Variants in ZBTB7C observed in about 807,000 individuals in gnomAD.
ZBTB7C encodes zinc finger and BTB domain containing 7C, also known as zinc finger and BTB domain-containing protein 7C.
ZBTB7C carries 8 observed loss-of-function variants against 25.7 expected under a neutral mutation model. That is an observed-to-expected ratio of 0.31 (90% CI 0.18 to 0.56). The LOEUF is 0.56. ZBTB7C is among the 20% of genes least tolerant of loss of function. The pLI is 0.91. For missense variants in ZBTB7C, 824 were observed against 855.2 expected, an observed-to-expected ratio of 0.96 and a Z score of 0.46; for synonymous variants, 394 against 369.0, an observed-to-expected ratio of 1.07 and a Z score of -0.78.
intron 2 of ZBTB7C, among the ~76,000 whole-genome samples, chr18:48,244,106 T>C (rs963730422): frequency 1.3e-5 from 2 of 152,170 alleles, no homozygotes; most frequent in Admixed American, 6.5e-5. Flanking sequence ...CTTCCAGACA[T>C]TGGCTTAGGC....
intron 3 of ZBTB7C, among the ~76,000 whole-genome samples, chr18:48,090,142 G>A (rs911210292): frequency 1.1e-4 from 16 of 152,244 alleles, no homozygotes; most frequent in African/African-American, 3.9e-4. Context: ...GACAGCATGT[G>A]GTTTTTCCTG....
intron 2 of ZBTB7C, among the ~76,000 whole-genome samples, chr18:48,209,630 T>A (rs2042656882): frequency 6.6e-6 from 1 of 152,128 alleles, no homozygotes; most frequent in South Asian, 2.1e-4. Flanking sequence ...GTGGGTCACA[T>A]TTGTAGTCCC....
intron 3 of ZBTB7C, among the ~76,000 whole-genome samples, chr18:48,135,346 C>T (rs1232641271): frequency 6.6e-6 from 1 of 151,790 alleles, no homozygotes; most frequent in African/African-American, 2.4e-5. Flanking sequence ...ATAATTATAC[C>T]AAGGCGATTC....
intron 1 of ZBTB7C, among the ~76,000 whole-genome samples, chr18:48,377,927 T>C (rs1011578508): frequency 2.4e-4 from 37 of 152,210 alleles, no homozygotes; most frequent in East Asian, 1.5e-3. Flanking sequence ...ATCCCAAAAC[T>C]TTGGGAGGCC....
chr18:48,065,373 A>G (rs2037290149), intron 3 of ZBTB7C, among the ~76,000 whole-genome samples: 1 of 152,030 alleles, frequency 6.6e-6, no homozygotes, highest in African/African-American at 2.4e-5. Flanking sequence ...ACGCCTGAGA[A>G]AGCCCATAGT....
At chr18:48,236,023 A>G (rs186516838) in intron 2 of ZBTB7C, among the ~76,000 whole-genome samples, 37 of 152,282 alleles carry the variant, frequency 2.4e-4, no homozygotes, top group African/African-American at 8.7e-4. Flanking sequence ...CTCTTTCTCA[A>G]TCTCACTACT....
intron 1 of ZBTB7C, among the ~76,000 whole-genome samples, chr18:48,405,550 T>C (rs998475272): frequency 6.6e-6 from 1 of 152,240 alleles, no homozygotes; most frequent in African/African-American, 2.4e-5. Context: ...GTACACACGG[T>C]GGCTCTAGAA....
rs148687778 is a variant in ZBTB7C at position 48,173,524 on chromosome 18, C to G, written c.-17+12410G>C. 7.0e-4 allele frequency among the ~76,000 whole-genome samples: 107 copies of G among 152,330 alleles called. 1 individual carries two copies. The East Asian group carries it at 0.018, about 26-fold the overall frequency. Reference sequence around the variant, plus strand: ...GTCTCAGGGCCTATGATACGTCCCCCCTTCCCATCCATTCAACTTGTATCT... The same window carrying G: ...GTCTCAGGGCCTATGATACGTCCCCGCTTCCCATCCATTCAACTTGTATCT... On this transcript the variant is annotated intron_variant, in intron 3 of 4. Transcript: ENST00000590800.
chr18:48,391,317 G>A (rs1287848166), intron 1 of ZBTB7C, among the ~76,000 whole-genome samples: 3 of 152,196 alleles, frequency 2.0e-5, no homozygotes, highest in Non-Finnish European at 2.9e-5. Context: ...CCATGAAGTT[G>A]TCAATGTTAC....
At chr18:48,110,982 G>A (rs1430945996) in intron 3 of ZBTB7C, among the ~76,000 whole-genome samples, 1 of 152,204 alleles carries the variant, frequency 6.6e-6, no homozygotes, top group African/African-American at 2.4e-5. Context: ...TTCGATCTGG[G>A]CTTCATATGA....
intron 3 of ZBTB7C, among the ~76,000 whole-genome samples, chr18:48,103,490 C>T (rs549172346): frequency 2.6e-5 from 4 of 152,224 alleles, no homozygotes; most frequent in East Asian, 1.9e-4. Context: ...AATTTCTTTA[C>T]CTTTCAGGGA....
rs139744162 is a variant in ZBTB7C at position 48,292,280 on chromosome 18, G to A, written c.-79+45894C>T. On this transcript the variant is annotated intron_variant, in intron 2 of 4. Coordinates refer to ENST00000590800, the MANE Select transcript of ZBTB7C (RefSeq NM_001318841.2). ...TTATCAAGAATGTCCATAATTCCTCGTTAAAGCAAGTGCTATCATTCCATT... is the reference window on the plus strand; with the variant it reads ...TTATCAAGAATGTCCATAATTCCTCATTAAAGCAAGTGCTATCATTCCATT... Among the ~76,000 whole-genome samples the A allele has an allele frequency of 4.2e-3, 635 of 152,144 alleles. 3 individuals are homozygous for A. The highest frequency in any genetic ancestry group is 0.014 in the African/African-American group (599 of 41,498).
intron 3 of ZBTB7C, among the ~76,000 whole-genome samples, chr18:48,093,055 G>A (rs1284325579): frequency 6.6e-6 from 1 of 152,252 alleles, no homozygotes; most frequent in Non-Finnish European, 1.5e-5. Context: ...CAGAGAGAAT[G>A]TAATGTGGGG....
At chr18:48,407,323 C>T (rs1362538090) in intron 1 of ZBTB7C, among the ~76,000 whole-genome samples, 3 of 152,176 alleles carry the variant, frequency 2.0e-5, no homozygotes, top group Non-Finnish European at 4.4e-5. Flanking sequence ...CATTGTGTTA[C>T]AAAAGGAGTT....
chr18:48,340,965 C>T (rs549595025), intron 1 of ZBTB7C, among the ~76,000 whole-genome samples: 1 of 152,304 alleles, frequency 6.6e-6, no homozygotes, highest in South Asian at 2.1e-4. Context: ...CCCCCCTCCT[C>T]TGAGCCTGCG....
At chr18:48,165,826 A>C (rs989032015) in intron 3 of ZBTB7C, among the ~76,000 whole-genome samples, 2 of 152,186 alleles carry the variant, frequency 1.3e-5, no homozygotes, top group Non-Finnish European at 2.9e-5. Context: ...TATTCTCGCC[A>C]CGTAAGCCTC....
chr18:48,342,806 G>T (rs1456228118), intron 1 of ZBTB7C, among the ~76,000 whole-genome samples: 1 of 151,890 alleles, frequency 6.6e-6, no homozygotes, highest in Non-Finnish European at 1.5e-5. Flanking sequence ...AGTGGAATGG[G>T]GAGGGCCAGG....
At position 48,026,791 on chromosome 18, in the gene ZBTB7C, A is replaced by C. The variant is rs888751197; in HGVS notation, c.*2469T>G. The C allele has an allele frequency of 2.0e-5, 3 of 151,344 alleles. No homozygotes were observed. Among genetic ancestry groups the C allele is most frequent in the Non-Finnish European group, 4.4e-5 (3 of 67,948 alleles). The allele number at this position is 151,344 out of a possible 1,614,324, so 9.4% of individuals were successfully genotyped here. On this transcript the variant is annotated 3_prime_UTR_variant, in exon 5 of 5. Coordinates refer to ENST00000590800, the MANE Select transcript of ZBTB7C (RefSeq NM_001318841.2). ...TTTGACATTATTTTAAGTTTATGAC[A>C]CCCAACAATTAAAAACCTTAAGACT... is the stretch of plus-strand genomic sequence containing the variant.
At chr18:48,037,702 T>C (rs1050403962) in intron 4 of ZBTB7C, among the ~76,000 whole-genome samples, 3 of 152,158 alleles carry the variant, frequency 2.0e-5, no homozygotes, top group African/African-American at 7.2e-5. Context: ...CTTTTGGAAT[T>C]GGAGTCACCA....
Sources: allele counts gnomAD v4.1 joint callset (sites outside exome capture counted in the v4.1 genomes callset), GRCh38; gene constraint gnomAD v4.1.1; transcripts MANE v1.5; gene names NCBI Gene and HGNC (gene_info 2026-07-23, HGNC 2026-07-21).